Variants in LRRTM4 observed in about 807,000 individuals in gnomAD.
LRRTM4 encodes leucine rich repeat transmembrane neuronal 4.
In LRRTM4, 25 loss-of-function variants were observed where a neutral mutation model predicts 47.6. That is an observed-to-expected ratio of 0.53 (90% CI 0.38 to 0.73). The LOEUF is 0.73. Among genes scored for constraint, LRRTM4 ranks in the 30% least tolerant of loss-of-function variants. LRRTM4 has a pLI of 0.00. For missense variants in LRRTM4, 638 were observed against 713.4 expected, an observed-to-expected ratio of 0.89 and a Z score of 1.20; for synonymous variants, 311 against 269.5, an observed-to-expected ratio of 1.15 and a Z score of -1.51.
At chr2:76,916,141 A>G (rs1404777579) in intron 3 of LRRTM4, among the ~76,000 whole-genome samples, 4 of 152,124 alleles carry the variant, frequency 2.6e-5, no homozygotes, top group African/African-American at 9.7e-5. Context: ...ATTCCAGAGG[A>G]AAGAAAAAAC....
chr2:76,938,639 A>C (rs919896996), intron 3 of LRRTM4, among the ~76,000 whole-genome samples: 4 of 152,158 alleles, frequency 2.6e-5, no homozygotes, highest in African/African-American at 9.6e-5. Flanking sequence ...ATTTTTAGCA[A>C]ATCATTTGAA....
intron 3 of LRRTM4, among the ~76,000 whole-genome samples, chr2:76,962,478 A>T (rs975220628): frequency 6.6e-6 from 1 of 150,962 alleles, no homozygotes; most frequent in Non-Finnish European, 1.5e-5. Flanking sequence ...GTATATGATT[A>T]TTTACTATTA....
At chr2:76,766,970 C>CCTCCTTCACAGCTA (rs1399694101) in intron 3 of LRRTM4, among the ~76,000 whole-genome samples, 3 of 152,084 alleles carry the variant, frequency 2.0e-5, no homozygotes, top group African/African-American at 7.2e-5. Flanking sequence ...CTAGACAAGC[C>CCTCCTTCACAGCTA]CTCCTTCACA....
chr2:76,982,235 AAAGT>A lies in LRRTM4; in HGVS notation c.1552-233323_1552-233320del, dbSNP rs377008569. ...AGTCTTCTTGCATTTGAATACAGAA[AAAGT>A]AAGAAACCCTCAGCAGAAAAATCAC... On this transcript the variant is annotated intron_variant, in intron 3 of 3. Transcript: ENST00000409884. Among the ~76,000 whole-genome samples, 458 of 152,192 alleles carry A rather than the reference AAAGT, an allele frequency of 3.0e-3. 3 individuals are homozygous for A. The highest frequency in any genetic ancestry group is 0.01 in the African/African-American group (427 of 41,566).
intron 3 of LRRTM4, among the ~76,000 whole-genome samples, chr2:77,021,692 T>C (rs1420758464): frequency 1.3e-5 from 2 of 152,170 alleles, no homozygotes; most frequent in African/African-American, 4.8e-5. Context: ...TTGGGGAGGT[T>C]AGCAAAAGAA....
chr2:77,293,608 A>G (rs1676890964), intron 3 of LRRTM4, among the ~76,000 whole-genome samples: 1 of 152,182 alleles, frequency 6.6e-6, no homozygotes, highest in Non-Finnish European at 1.5e-5. Context: ...CACAAAAAGA[A>G]AAACGAACAT....
intron 3 of LRRTM4, among the ~76,000 whole-genome samples, chr2:77,003,368 C>T (rs545316880): frequency 3.5e-4 from 53 of 151,954 alleles, no homozygotes; most frequent in African/African-American, 1.2e-3. Flanking sequence ...GCACCCCCAC[C>T]GAAATCTCAC....
Position 77,367,397 on chromosome 2 carries a change from T to G in LRRTM4, c.1551+150921A>C, listed in dbSNP as rs150048615. Reference sequence around the variant, plus strand: ...TCTAAAATGATTAATTATAAATATCTAATTTTCTACTTGAATTATTAACAA... The same window carrying G: ...TCTAAAATGATTAATTATAAATATCGAATTTTCTACTTGAATTATTAACAA... On this transcript the variant is annotated intron_variant, in intron 3 of 3. Transcript: ENST00000409884. 8.2e-4 allele frequency among the ~76,000 whole-genome samples: 125 copies of G among 152,000 alleles called. 2 individuals are homozygous for G. The East Asian group carries it at 0.021, about 26-fold the overall frequency.
intron 3 of LRRTM4, among the ~76,000 whole-genome samples, chr2:77,233,291 G>T (rs1479816318): frequency 6.6e-6 from 1 of 152,160 alleles, no homozygotes; most frequent in Non-Finnish European, 1.5e-5. Context: ...CATAGTCCCA[G>T]CTGGGAGACT....
chr2:77,245,426 G>T (rs1021083102), intron 3 of LRRTM4, among the ~76,000 whole-genome samples: 3 of 150,558 alleles, frequency 2.0e-5, no homozygotes, highest in Non-Finnish European at 2.9e-5. Context: ...AATGAGACAG[G>T]AGGGTCACTA....
At chr2:76,749,183 A>G (rs1049852982) in intron 3 of LRRTM4, among the ~76,000 whole-genome samples, 1 of 152,236 alleles carries the variant, frequency 6.6e-6, no homozygotes, top group South Asian at 2.1e-4. Flanking sequence ...TTGCAATAAC[A>G]GAAAGTTAGA....
At chr2:77,498,331 A>C (rs2104067456) in intron 3 of LRRTM4, among the ~76,000 whole-genome samples, 1 of 151,926 alleles carries the variant, frequency 6.6e-6, no homozygotes, top group Admixed American at 6.6e-5. Flanking sequence ...CGATTGTAGA[A>C]AATTACAGAA....
chr2:76,951,914 G>C lies in LRRTM4; in HGVS notation c.1552-202998C>G, dbSNP rs549362360. ...TTCTGTTCCTATGTTAGTTTGCTGA[G>C]AATGATGTCTTCCAGCTTCATTCAT... On this transcript the variant is annotated intron_variant, in intron 3 of 3. Transcript: ENST00000409884. Among the ~76,000 whole-genome samples the C allele has an allele frequency of 3.9e-5, 6 of 152,060 alleles. No homozygotes were observed. The South Asian group carries it at 1.0e-3, about 26-fold the overall frequency.
chr2:77,000,701 C>T (rs750250717), intron 3 of LRRTM4, among the ~76,000 whole-genome samples: 1 of 152,160 alleles, frequency 6.6e-6, no homozygotes, highest in Non-Finnish European at 1.5e-5. Flanking sequence ...ACTTATAGAA[C>T]TCAAGAGTAG....
intron 3 of LRRTM4, among the ~76,000 whole-genome samples, chr2:76,807,587 C>G (rs1490184817): frequency 1.3e-5 from 2 of 148,558 alleles, no homozygotes; most frequent in Admixed American, 1.3e-4. Flanking sequence ...TTCATTATTT[C>G]TTTATTTTAT....
intron 3 of LRRTM4, among the ~76,000 whole-genome samples, chr2:77,480,057 T>C (rs916782330): frequency 6.6e-6 from 1 of 152,168 alleles, no homozygotes; most frequent in African/African-American, 2.4e-5. Context: ...GAAGGTGAAC[T>C]TCACAGAGCC....
chr2:76,929,245 G>C (rs1024586059), intron 3 of LRRTM4, among the ~76,000 whole-genome samples: 1 of 151,974 alleles, frequency 6.6e-6, no homozygotes, highest in Admixed American at 6.6e-5. Context: ...GCTTTGTTTT[G>C]TTTCTTTGTG....
chr2:77,297,647 G>A (rs192087565), intron 3 of LRRTM4, among the ~76,000 whole-genome samples: 8 of 152,174 alleles, frequency 5.3e-5, no homozygotes, highest in African/African-American at 1.9e-4. Context: ...CCAAGCCTGA[G>A]TACAGTCTTC....
chr2:77,037,608 A>T (rs893811862), intron 3 of LRRTM4, among the ~76,000 whole-genome samples: 9 of 151,764 alleles, frequency 5.9e-5, no homozygotes, highest in Admixed American at 6.6e-5. Flanking sequence ...TCATGCAAAT[A>T]GGATGCACAA....
Sources: allele counts gnomAD v4.1 joint callset (sites outside exome capture counted in the v4.1 genomes callset), GRCh38; gene constraint gnomAD v4.1.1; transcripts MANE v1.5; gene names NCBI Gene and HGNC (gene_info 2026-07-23, HGNC 2026-07-21).